ADAMTSL1: variants seen among roughly 807,000 people sequenced by gnomAD.
The protein encoded by ADAMTSL1 is ADAMTS like 1.
Under a neutral mutation model 201.8 loss-of-function variants are expected in ADAMTSL1, and 126 were observed. The ratio of observed to expected loss-of-function variants is 0.62; its 90% CI spans 0.54 to 0.72. ADAMTSL1 has a LOEUF of 0.72. Among genes scored for constraint, ADAMTSL1 ranks in the 30% least tolerant of loss-of-function variants. The pLI, the probability that ADAMTSL1 is intolerant of heterozygous loss-of-function variation, is 0.00. For synonymous variants in ADAMTSL1, 1,121 were observed against 903.4 expected, an observed-to-expected ratio of 1.24 and a Z score of -4.32; for missense variants, 2,679 against 2,277.8, an observed-to-expected ratio of 1.18 and a Z score of -3.59.
chr9:18,368,114 G>A (rs1586988045), intron 2 of ADAMTSL1, among the ~76,000 whole-genome samples: 2 of 150,940 alleles, frequency 1.3e-5, no homozygotes, highest in Admixed American at 1.3e-4. Context: ...ATGGGGTTTC[G>A]CCGTTTTCGC....
chr9:18,156,008 A>G (rs1165821914), intron 1 of ADAMTSL1, among the ~76,000 whole-genome samples: 2 of 152,050 alleles, frequency 1.3e-5, no homozygotes, highest in Admixed American at 6.6e-5. Flanking sequence ...GAGGGAAGAC[A>G]GAGGGTTGGA....
At chr9:18,827,560 C>A (rs1369717220) in intron 22 of ADAMTSL1, among the ~76,000 whole-genome samples, 1 of 152,190 alleles carries the variant, frequency 6.6e-6, no homozygotes, top group Non-Finnish European at 1.5e-5. Flanking sequence ...TGGGTTTCAT[C>A]CAGCTGAGCT....
At chr9:18,401,319 T>G (rs1817975665) in intron 2 of ADAMTSL1, among the ~76,000 whole-genome samples, 1 of 152,226 alleles carries the variant, frequency 6.6e-6, no homozygotes, top group Non-Finnish European at 1.5e-5. Flanking sequence ...CTCTTCTCTA[T>G]TGCATGGCTT....
intron 6 of ADAMTSL1, 21 bp from the exon 7 acceptor site, chr9:18,639,233 T>G: frequency 1.2e-6 from 2 of 1,611,886 alleles, no homozygotes; most frequent in Non-Finnish European, 1.7e-6. Flanking sequence ...TTCTCTCATC[T>G]TCACGTGTTT....
chr9:17,922,662 T>C (rs990752031), intron 1 of ADAMTSL1, among the ~76,000 whole-genome samples: 1 of 152,166 alleles, frequency 6.6e-6, no homozygotes, highest in Non-Finnish European at 1.5e-5. Context: ...AAAGTTGAGT[T>C]GACTTGTCCC....
At chr9:18,099,619 C>T (rs1450837893) in intron 1 of ADAMTSL1, among the ~76,000 whole-genome samples, 2 of 147,214 alleles carry the variant, frequency 1.4e-5, no homozygotes. Flanking sequence ...TTTCTTTCTT[C>T]CTTTTTCTCT....
chr9:18,315,032 G>A (rs918232379), intron 2 of ADAMTSL1, among the ~76,000 whole-genome samples: 1 of 151,544 alleles, frequency 6.6e-6, no homozygotes, highest in Non-Finnish European at 1.5e-5. Context: ...TCCTGACCTC[G>A]TGATCCGCCC....
At chr9:18,575,190 C>T (rs935738057) in intron 4 of ADAMTSL1, among the ~76,000 whole-genome samples, 4 of 152,034 alleles carry the variant, frequency 2.6e-5, no homozygotes, top group Admixed American at 6.6e-5. Context: ...TTAAAACTTA[C>T]ATCTATATTT....
At chr9:18,877,913 G>A (rs906636149) in intron 23 of ADAMTSL1, among the ~76,000 whole-genome samples, 2 of 152,206 alleles carry the variant, frequency 1.3e-5, no homozygotes, top group Non-Finnish European at 2.9e-5. Flanking sequence ...GGTTAGGCGT[G>A]TCTGAGCTCA....
chr9:17,977,449 T>C (rs188152228), intron 1 of ADAMTSL1, among the ~76,000 whole-genome samples: 1 of 152,272 alleles, frequency 6.6e-6, no homozygotes, highest in East Asian at 1.9e-4. Flanking sequence ...GAAAGATTTT[T>C]GATTATTGAT....
intron 7 of ADAMTSL1, among the ~76,000 whole-genome samples, chr9:18,642,040 C>G (rs1325507236): frequency 6.6e-6 from 1 of 151,900 alleles, no homozygotes; most frequent in Non-Finnish European, 1.5e-5. Context: ...TAGCATCATC[C>G]TTGAGATGGG....
chr9:17,986,363 T>C (rs1306738096), intron 1 of ADAMTSL1, among the ~76,000 whole-genome samples: 5 of 151,990 alleles, frequency 3.3e-5, no homozygotes. Context: ...TTCAATTCAG[T>C]TGTCCACATG....
chr9:18,029,231 C>A (rs901081497), intron 1 of ADAMTSL1, among the ~76,000 whole-genome samples: 1 of 152,082 alleles, frequency 6.6e-6, no homozygotes. Flanking sequence ...TTCCTCTTTT[C>A]CTATTTGAAT....
chr9:18,508,335 A>G (rs1587408516), intron 2 of ADAMTSL1, among the ~76,000 whole-genome samples: 1 of 151,810 alleles, frequency 6.6e-6, no homozygotes, highest in Non-Finnish European at 1.5e-5. Flanking sequence ...TTAGCCCTGT[A>G]TTTTCTCCTT....
chr9:18,144,743 G>A (rs1826555568), intron 1 of ADAMTSL1, among the ~76,000 whole-genome samples: 1 of 152,072 alleles, frequency 6.6e-6, no homozygotes, highest in Admixed American at 6.6e-5. Context: ...AGACTTGTAG[G>A]AATGACAGAG....
At chr9:18,567,368 A>C (rs1358630515) in intron 3 of ADAMTSL1, among the ~76,000 whole-genome samples, 2 of 152,170 alleles carry the variant, frequency 1.3e-5, no homozygotes, top group African/African-American at 4.8e-5. Context: ...TAGGAGGCTG[A>C]GGCAGGAGAA....
At chr9:18,529,101 A>G (rs1185149431) in intron 2 of ADAMTSL1, among the ~76,000 whole-genome samples, 1 of 152,224 alleles carries the variant, frequency 6.6e-6, no homozygotes, top group Non-Finnish European at 1.5e-5. Flanking sequence ...TGGAATAGTC[A>G]CCTAGCTACT....
chr9:18,552,326 C>A (rs1820838122), intron 3 of ADAMTSL1, among the ~76,000 whole-genome samples: 1 of 151,772 alleles, frequency 6.6e-6, no homozygotes, highest in East Asian at 1.9e-4. Context: ...CCATATGATT[C>A]CTTCAGGTCA....
chr9:18,126,093 T>C (rs1422661738), intron 1 of ADAMTSL1, among the ~76,000 whole-genome samples: 1 of 152,226 alleles, frequency 6.6e-6, no homozygotes, highest in South Asian at 2.1e-4. Context: ...AGTCTAGTTT[T>C]CTCATCCTTA....
Sources: gnomAD v4.1 joint callset for allele counts (sites outside exome capture counted in the v4.1 genomes callset) on GRCh38, gnomAD v4.1.1 for gene constraint, MANE v1.5 for transcripts, NCBI Gene and HGNC (gene_info 2026-07-23, HGNC 2026-07-21) for gene names.